The following BEND2 variants were observed in gnomAD, a reference collection of about 807,000 sequenced individuals.
BEND2 encodes the protein BEN domain-containing protein 2.
Under a neutral mutation model 43.8 loss-of-function variants are expected in BEND2, and 19 were observed. That is an observed-to-expected ratio of 0.43 (90% CI 0.30 to 0.64). The LOEUF is 0.64. Ranked by LOEUF, BEND2 falls within the 30% of genes least tolerant of loss-of-function variation. BEND2 has a pLI of 0.11. For synonymous variants in BEND2, 226 were observed against 210.1 expected, an observed-to-expected ratio of 1.08 and a Z score of -0.66; for missense variants, 544 against 574.0, an observed-to-expected ratio of 0.95 and a Z score of 0.53.
intron 6 of BEND2, 89 bp from the exon 7 acceptor site, chrX:18,195,531 C>A: frequency 1.1e-6 from 1 of 893,547 alleles, no homozygotes; most frequent in Non-Finnish European, 1.5e-6. Flanking sequence ...ATTTCTCGAA[C>A]GAAAGAAAAC....
intron 1 of BEND2, 96 bp from the exon 2 acceptor site, chrX:18,216,829 A>AT: frequency 1.5e-6 from 1 of 677,917 alleles, no homozygotes; most frequent in South Asian, 2.8e-5. Context: ...TTGTTTAAAA[A>AT]ACATATTTTA....
At chrX:18,179,094 A>G (rs1370543186) in intron 9 of BEND2, among the ~76,000 whole-genome samples, 1 of 109,735 alleles carries the variant, frequency 9.1e-6, no homozygotes, top group African/African-American at 3.3e-5. Context: ...TCTACAAACT[A>G]TCTTTCAGAA....
intron 1 of BEND2, among the ~76,000 whole-genome samples, chrX:18,220,488 G>A (rs988116416): frequency 9.0e-6 from 1 of 111,313 alleles, no homozygotes; most frequent in Non-Finnish European, 1.9e-5. Context: ...GGGACATCTT[G>A]AGCCCCTGAG....
chrX:18,219,563 C>T (rs999613325), intron 1 of BEND2, among the ~76,000 whole-genome samples: 1 of 112,693 alleles, frequency 8.9e-6, no homozygotes, highest in Non-Finnish European at 1.9e-5. Context: ...ATGTCTCAAC[C>T]GCAAAATGTC....
At chrX:18,204,350 T>C (rs924504453) in intron 4 of BEND2, among the ~76,000 whole-genome samples, 4 of 111,971 alleles carry the variant, frequency 3.6e-5, no homozygotes, top group Non-Finnish European at 7.5e-5. Flanking sequence ...TAGTTCTCTA[T>C]CAATTCTAAC....
rs1180527843 is a variant in BEND2, at chrX:18,164,934, T to C, written c.*75A>G. 4.7e-6 allele frequency: 5 copies of C among 1,058,663 alleles called. No individual in the cohort carries two copies. The highest frequency in any genetic ancestry group is 2.8e-5 in the Admixed American group (1 of 35,289). The allele number at this position is 1,058,663 out of a possible 1,213,427, so 87.2% of individuals were successfully genotyped here. On this transcript the variant is annotated 3_prime_UTR_variant, in exon 14 of 14. Transcript: ENST00000380033. ...ACTCTGCCAGTACAGCAGGCTGATT[T>C]TGGAATTAGAACTTGAGAAACTTAC... is the stretch of plus-strand genomic sequence containing the variant.
At position 18,201,809 on chromosome X, in the gene BEND2, A is replaced by T. The variant is rs779592639; in HGVS notation, c.1033+6T>A. On this transcript the variant is annotated splice_donor_region_variant and intron_variant, in intron 6 of 13. Transcript: ENST00000380033. ...CGCCCAGCATTATGTATCATTTCAA[A>T]CTCACCAAAATAGGGAGGGATGAAG... 5.0e-6 allele frequency: 6 copies of T among 1,200,608 alleles called. No individual in the cohort carries two copies. In the African/African-American group the frequency reaches 8.9e-5, roughly 18 times the overall value.
chrX:18,179,117 T>C (rs760968133), intron 9 of BEND2, among the ~76,000 whole-genome samples: 1 of 109,734 alleles, frequency 9.1e-6, no homozygotes, highest in Admixed American at 9.8e-5. Context: ...TTTGTACCAA[T>C]GTATATTTCT....
At chrX:18,181,979 G>A (rs1454913310) in intron 8 of BEND2, among the ~76,000 whole-genome samples, 2 of 111,818 alleles carry the variant, frequency 1.8e-5, no homozygotes, top group South Asian at 3.7e-4. Context: ...CAAGACCCTC[G>A]ATTGCCAGGT....
intron 7 of BEND2, among the ~76,000 whole-genome samples, chrX:18,194,409 TA>T (rs1376843631): frequency 1.5e-3 from 148 of 98,587 alleles, no homozygotes; most frequent in African/African-American, 3.7e-3. Context: ...GTGAATGGTT[TA>T]AAAAAAAAAA....
At chrX:18,183,035 C>A (rs1478605056) in intron 8 of BEND2, among the ~76,000 whole-genome samples, 28 of 65,917 alleles carry the variant, frequency 4.2e-4, no homozygotes, top group African/African-American at 1.6e-3. Flanking sequence ...GAGCGAGACT[C>A]TGTCTCCAAA....
chrX:18,208,769 G>A (rs1016718920), intron 4 of BEND2, among the ~76,000 whole-genome samples: 2 of 111,161 alleles, frequency 1.8e-5, no homozygotes, highest in Non-Finnish European at 3.8e-5. Context: ...AATATATAGC[G>A]AGACTGAAAT....
At position 18,210,928 on chromosome X, in the gene BEND2, C is replaced by T. The variant is rs377522230; in HGVS notation, c.492+1637G>A. Among the ~76,000 whole-genome samples the T allele has an allele frequency of 8.1e-5, 9 of 111,554 alleles. No homozygotes were observed. The East Asian group carries it at 1.7e-3, about 21-fold the overall frequency. On this transcript the variant is annotated intron_variant, in intron 4 of 13. Transcript: ENST00000380033. ...TCAAAATACATGATAAAAAATTAAT[C>T]GAATTAGCCCAGCATTACAAACTTA... is the stretch of plus-strand genomic sequence containing the variant.
chrX:18,201,609 G>A (rs1223283951), intron 6 of BEND2, among the ~76,000 whole-genome samples: 2 of 106,857 alleles, frequency 1.9e-5, no homozygotes, highest in African/African-American at 6.8e-5. Context: ...CTCCTGCCTC[G>A]GCCTCCGGAG....
At chrX:18,181,839 A>G (rs1251193588) in intron 8 of BEND2, among the ~76,000 whole-genome samples, 1 of 111,911 alleles carries the variant, frequency 8.9e-6, no homozygotes, top group African/African-American at 3.2e-5. Context: ...AGAAAAGGAG[A>G]ATGAGAAACA....
Position 18,216,634 on chromosome X carries a change from A to C in BEND2, c.125T>G (p.Ile42Arg). Residue 42 changes from isoleucine to arginine, a missense_variant, in exon 2 of 14, where the codon ATA becomes AGA. This residue lies in a region of BEND2 where 501 missense variants were observed against 501.6 expected (regional missense o/e 1.00). Transcript: ENST00000380033. ...TGTGACATAAGTGGAATCATCTGCTATGTCATTAGTGGAATTATCTGCTGT... is the reference window on the plus strand; with the variant it reads ...TGTGACATAAGTGGAATCATCTGCTCTGTCATTAGTGGAATTATCTGCTGT... The part of the protein sequence containing the change: ...SETADNSTND[I>R]ADDSTYVTAD... 8.3e-7 allele frequency: 1 copy of C among 1,207,999 alleles called. No individual in the cohort carries two copies. Among genetic ancestry groups the C allele is most frequent in the Non-Finnish European group, 1.1e-6 (1 of 892,089 alleles).
intron 4 of BEND2, among the ~76,000 whole-genome samples, chrX:18,207,531 A>G (rs1925374254): frequency 8.9e-6 from 1 of 112,296 alleles, no homozygotes; most frequent in African/African-American, 3.2e-5. Flanking sequence ...TAAATGTGAA[A>G]CAATCTAGAT....
intron 11 of BEND2, 36 bp downstream of exon 11, chrX:18,175,936 G>GT: frequency 8.7e-7 from 1 of 1,151,539 alleles, no homozygotes. Flanking sequence ...ACAAACTCAG[G>GT]TAACAGTTAC....
At chrX:18,208,458 C>T (rs1925407819) in intron 4 of BEND2, among the ~76,000 whole-genome samples, 1 of 110,745 alleles carries the variant, frequency 9.0e-6, no homozygotes, top group Non-Finnish European at 1.9e-5. Flanking sequence ...TGCACTCCAG[C>T]CTGGGTGATA....
Sources: gnomAD v4.1 joint callset for allele counts (sites outside exome capture counted in the v4.1 genomes callset) on GRCh38, gnomAD v4.1.1 for gene constraint, gnomAD v4.1.1 regional missense constraint, MANE v1.5 for transcripts, NCBI Gene and HGNC (gene_info 2026-07-23, HGNC 2026-07-21) for gene names.